HS1BP3: variants seen among roughly 807,000 people sequenced by gnomAD.
The protein encoded by HS1BP3 is HCLS1 binding protein 3.
Under a neutral mutation model 33.5 loss-of-function variants are expected in HS1BP3, and 32 were observed. The ratio of observed to expected loss-of-function variants is 0.95; its 90% confidence interval spans 0.72 to 1.28. The LOEUF (loss-of-function observed/expected upper bound fraction) is 1.28. Among genes scored for constraint, HS1BP3 ranks in the 50% most tolerant of loss-of-function variants. The pLI, the probability that HS1BP3 is intolerant of heterozygous loss-of-function variation, is 0.00. For synonymous variants in HS1BP3, 187 were observed against 209.2 expected (o/e 0.89, Z 0.92); for missense variants, 486 against 502.3 (o/e 0.97, Z 0.31).
At chr2:20,575,760 ACC>A (rs58267147) in intron 5 of HS1BP3, among the ~76,000 whole-genome samples, 13,077 of 146,612 alleles carry the variant, frequency 0.089, 509 homozygotes, top group South Asian at 0.15. Flanking sequence ...CCTTGGTTCC[ACC>A]CCCCCCCCCC....
intron 2 of HS1BP3, among the ~76,000 whole-genome samples, chr2:20,607,140 G>A (rs1323915575): frequency 3.4e-5 from 5 of 146,674 alleles, no homozygotes; most frequent in Non-Finnish European, 6.0e-5. Context: ...CATATGGTAT[G>A]AGGTAGGGTG....
chr2:20,565,617 C>T (rs1168919268), intron 5 of HS1BP3, among the ~76,000 whole-genome samples: 1 of 152,216 alleles, frequency 6.6e-6, no homozygotes, highest in Admixed American at 6.5e-5. Flanking sequence ...CCAACCCCAC[C>T]CCGTGGGACA....
chr2:20,555,919 T>C (rs1193278339), downstream of HS1BP3, among the ~76,000 whole-genome samples: 1 of 152,176 alleles, frequency 6.6e-6, no homozygotes, highest in Non-Finnish European at 1.5e-5. Context: ...TGACCACCCA[T>C]CCAGACCCTT....
chr2:20,625,021 C>G, intron 4 of HS1BP3, 129 bp from the exon 5 acceptor site: 1 of 1,110,876 alleles, frequency 9.0e-7, no homozygotes, highest in South Asian at 1.3e-5. Flanking sequence ...AAGACCAGGC[C>G]AGAGGGACCA....
In HS1BP3 at chr2:20,638,354, C is replaced by T. The variant is rs544291687; in HGVS notation, c.623+82G>A. On this transcript the variant is annotated intron_variant, in intron 4 of 6. Coordinates refer to ENST00000304031, the MANE Select transcript of HS1BP3 (RefSeq NM_022460.4). ...GCGACCTGGGATGCTCAGGGCTTTT[C>T]TCAGATTCCAGGGAAGGGGGACGTC... 4.0e-5 allele frequency: 56 copies of T among 1,387,422 alleles called. No homozygotes were observed. In the African/African-American group the frequency reaches 6.6e-4, roughly 16 times the overall value. The allele number at this position is 1,387,422 out of a possible 1,614,324, so 85.9% of individuals were successfully genotyped here. A position where few individuals can be genotyped will look rare whatever the true frequency, so the allele number is the denominator to read the frequency against.
intron 2 of HS1BP3, among the ~76,000 whole-genome samples, chr2:20,603,035 C>T (rs1390344863): frequency 1.3e-5 from 2 of 152,188 alleles, no homozygotes; most frequent in East Asian, 3.8e-4. Context: ...GCTGTCACTT[C>T]ACATTCATGA....
At chr2:20,568,023 G>A (rs1693178127) in intron 5 of HS1BP3, among the ~76,000 whole-genome samples, 2 of 152,124 alleles carry the variant, frequency 1.3e-5, no homozygotes, top group African/African-American at 2.4e-5. Context: ...GGCTGGTCTC[G>A]CTCAGTGCCT....
chr2:20,625,363 A>T (rs952871067), intron 4 of HS1BP3, among the ~76,000 whole-genome samples: 5 of 152,164 alleles, frequency 3.3e-5, no homozygotes, highest in Non-Finnish European at 5.9e-5. Context: ...CAGGCCAGAG[A>T]TCACACTCCC....
At chr2:20,645,200 T>C (rs1043938936) in intron 2 of HS1BP3, 140 bp downstream of exon 2, 12 of 772,490 alleles carry the variant, frequency 1.6e-5, no homozygotes, top group Non-Finnish European at 2.1e-5. Flanking sequence ...TCTAGCATGG[T>C]CTGGTACTCC....
chr2:20,560,002 G>T (rs148305296), downstream of HS1BP3, among the ~76,000 whole-genome samples: 609 of 152,272 alleles, frequency 4.0e-3, 2 homozygotes, highest in African/African-American at 0.014. Context: ...GGAATACCAG[G>T]TGACCTGTTT....
In HS1BP3 at chr2:20,561,993, A is replaced by G. The variant is rs79807013; in HGVS notation, c.303-1478T>C. On this transcript the variant is annotated intron_variant, in intron 5 of 5. Transcript: ENST00000446825. The stretch of plus-strand genomic sequence containing the variant: ...CCAATGATTTAATCAATCATACAGA[A>G]GTAATAAAGCCTCCATAAAAACCCC... 6.5e-3 allele frequency among the ~76,000 whole-genome samples: 988 copies of G among 152,260 alleles called. 16 individuals carry two copies. Among genetic ancestry groups the G allele is most frequent in the African/African-American group, 0.023 (955 of 41,536 alleles).
intron 2 of HS1BP3, among the ~76,000 whole-genome samples, chr2:20,643,211 G>C (rs1464216873): frequency 3.3e-5 from 5 of 152,114 alleles, no homozygotes; most frequent in Non-Finnish European, 7.4e-5. Flanking sequence ...ACGAGGAGTG[G>C]GCGTCACTGC....
At chr2:20,574,505 G>A (rs1457820084) in intron 5 of HS1BP3, among the ~76,000 whole-genome samples, 2 of 152,210 alleles carry the variant, frequency 1.3e-5, no homozygotes. Context: ...AAGCAGGGTT[G>A]AGCTGGACTG....
intron 1 of HS1BP3, among the ~76,000 whole-genome samples, chr2:20,650,160 G>A (rs965077045): frequency 6.6e-6 from 1 of 152,320 alleles, no homozygotes; most frequent in Non-Finnish European, 1.5e-5. Flanking sequence ...CTGAAGTCAC[G>A]GGGAATTCCT....
chr2:20,581,958 C>T (rs879447224), intron 5 of HS1BP3, among the ~76,000 whole-genome samples: 8 of 152,304 alleles, frequency 5.3e-5, no homozygotes, highest in Admixed American at 3.9e-4. Flanking sequence ...GAGAGGTACT[C>T]GACTCAGGAA....
chr2:20,606,070 A>G (rs1694170364), intron 2 of HS1BP3, among the ~76,000 whole-genome samples: 1 of 152,128 alleles, frequency 6.6e-6, no homozygotes, highest in African/African-American at 2.4e-5. Context: ...TCAGCAGGGT[A>G]TGAAGCTTTC....
intron 5 of HS1BP3, among the ~76,000 whole-genome samples, chr2:20,564,249 G>A (rs62124185): frequency 0.17 from 25,182 of 152,132 alleles, 2,515 homozygotes; most frequent in African/African-American, 0.27. Context: ...CCATCATGAC[G>A]GGGAGCTCAC....
At chr2:20,568,210 T>C (rs11683975) in intron 5 of HS1BP3, among the ~76,000 whole-genome samples, 27,809 of 151,952 alleles carry the variant, frequency 0.18, 3,693 homozygotes, top group African/African-American at 0.38. Flanking sequence ...AAGGTGGTGC[T>C]GGGGGGTGCG....
intron 5 of HS1BP3, among the ~76,000 whole-genome samples, chr2:20,566,721 C>T (rs1035719127): frequency 1.3e-5 from 2 of 152,114 alleles, no homozygotes; most frequent in Non-Finnish European, 2.9e-5. Flanking sequence ...ATTCTCCTGC[C>T]TCAGCCTCCC....
Sources: allele counts gnomAD v4.1 joint callset (sites outside exome capture counted in the v4.1 genomes callset), GRCh38; gene constraint gnomAD v4.1.1; transcripts MANE v1.5; gene names NCBI Gene and HGNC (gene_info 2026-07-23, HGNC 2026-07-21).